EFL1: variants seen among roughly 807,000 people sequenced by gnomAD.
The protein encoded by EFL1 is elongation factor-like GTPase 1.
EFL1 carries 76 observed loss-of-function variants against 126.7 expected under a neutral mutation model. That is an observed-to-expected ratio of 0.60 (90% CI 0.50 to 0.73). The LOEUF (loss-of-function observed/expected upper bound fraction) is 0.73. EFL1 is among the 30% of genes least tolerant of loss of function. The pLI, the probability that EFL1 is intolerant of heterozygous loss-of-function variation, is 0.00. For missense variants in EFL1, 1,128 were observed against 1,343.2 expected (o/e 0.84, Z 2.50); for synonymous variants, 410 against 448.4 (o/e 0.91, Z 1.08).
intron 18 of EFL1, among the ~76,000 whole-genome samples, chr15:82,144,083 T>C (rs1595938816): frequency 6.6e-6 from 1 of 152,094 alleles, no homozygotes; most frequent in African/African-American, 2.4e-5. Flanking sequence ...GGCAACATGG[T>C]GAGACTCCGT....
intron 18 of EFL1, among the ~76,000 whole-genome samples, chr15:82,150,050 C>T (rs1039425628): frequency 3.9e-5 from 6 of 152,148 alleles, no homozygotes; most frequent in Non-Finnish European, 1.5e-5. Flanking sequence ...GTTTCCCAAA[C>T]AAATCTACAA....
Position 82,228,331 on chromosome 15 carries a change from T to C in EFL1, c.933-4A>G, listed in dbSNP as rs370379199. On this transcript the variant is annotated splice_polypyrimidine_tract_variant and splice_region_variant and intron_variant, in intron 9 of 19. Coordinates refer to ENST00000268206, the MANE Select transcript of EFL1 (RefSeq NM_024580.6). ...TTTATCAATTTTGTCTTTGTCCCTG[T>C]GGTAAACACAAGATTGGAGAGGGGA... The C allele has an allele frequency of 1.2e-6, 2 of 1,612,750 alleles. No individual in the cohort carries two copies. The highest frequency in any genetic ancestry group is 1.1e-5 in the South Asian group (1 of 90,774).
intron 11 of EFL1, among the ~76,000 whole-genome samples, chr15:82,226,572 G>C (rs1397265671): frequency 1.3e-5 from 2 of 152,118 alleles, no homozygotes; most frequent in Non-Finnish European, 2.9e-5. Flanking sequence ...AGCAGGCTTG[G>C]GGATAAGATA....
Position 82,228,203 on chromosome 15 carries a change from G to A in EFL1, c.1057C>T (p.His353Tyr). Residue 353 changes from histidine (H) to tyrosine (Y), a missense_variant, in exon 10 of 20, where the codon CAT becomes TAT. Coordinates refer to ENST00000268206, the MANE Select transcript of EFL1 (RefSeq NM_024580.6). The part of the protein sequence containing the change: ...AICSQWLPIS[H>Y]AVLAMVCQKL... The stretch of plus-strand genomic sequence containing the variant: ...GAATAAAGGATACCAAGAACAGCAT[G>A]GGATATGGGTAGCCACTGACTGCAA... 1 of 1,611,384 alleles carries A rather than the reference G, an allele frequency of 6.2e-7. No individual in the cohort carries two copies. The highest frequency in any genetic ancestry group is 1.7e-5 in the Admixed American group (1 of 59,272).
intron 4 of EFL1, among the ~76,000 whole-genome samples, chr15:82,250,987 G>T (rs1180186940): frequency 6.6e-6 from 1 of 152,050 alleles, no homozygotes; most frequent in African/African-American, 2.4e-5. Flanking sequence ...CGAGGCGGGC[G>T]GATCACCTGC....
At chr15:82,160,122 T>G (rs1203855732) in intron 16 of EFL1, 6 of 152,252 alleles carry the variant, frequency 3.9e-5, no homozygotes, top group African/African-American at 1.4e-4. Context: ...AAGGATGATG[T>G]GTGATTCCCA....
At chr15:82,229,429 G>A (rs8025964) in intron 8 of EFL1, among the ~76,000 whole-genome samples, 67,928 of 151,780 alleles carry the variant, frequency 0.45, 15,538 homozygotes, top group South Asian at 0.5. Flanking sequence ...CTGCACATGC[G>A]GGCTCTTTCC....
At chr15:82,152,651 G>T (rs1016508263) in intron 17 of EFL1, among the ~76,000 whole-genome samples, 1 of 151,058 alleles carries the variant, frequency 6.6e-6, no homozygotes, top group African/African-American at 2.4e-5. Context: ...ATCCTTGCAT[G>T]TACTGGAATT....
rs2074028191 is a variant in EFL1, at chr15:82,161,972, C to T, written c.1882+1881G>A. Among the ~76,000 whole-genome samples, 4 of 152,146 alleles carry T rather than the reference C, an allele frequency of 2.6e-5. No homozygotes were observed. In the South Asian group the frequency reaches 8.3e-4, roughly 32 times the overall value. On this transcript the variant is annotated intron_variant, in intron 16 of 19. Coordinates refer to ENST00000268206, the MANE Select transcript of EFL1 (RefSeq NM_024580.6). ...AGAGCCTTTTAAAAATTATAAATTT[C>T]TATTATTAAAATATCACATCTTAGG... is the stretch of plus-strand genomic sequence containing the variant.
At chr15:82,262,044 C>A (rs543650244) in intron 1 of EFL1, 41 of 366,406 alleles carry the variant, frequency 1.1e-4, no homozygotes, top group Non-Finnish European at 1.6e-4. Flanking sequence ...CGATGAATCA[C>A]GCAGCTCGAG....
chr15:82,183,197 T>A (rs1261987616), intron 15 of EFL1, among the ~76,000 whole-genome samples: 2 of 152,232 alleles, frequency 1.3e-5, no homozygotes, highest in Non-Finnish European at 2.9e-5. Context: ...GTCTCAAATG[T>A]AGGGAGAAAG....
intron 3 of EFL1, among the ~76,000 whole-genome samples, chr15:82,255,820 A>G (rs1467539614): frequency 2.0e-5 from 3 of 152,164 alleles, no homozygotes; most frequent in African/African-American, 7.2e-5. Context: ...ATTCCAGGCC[A>G]CAGGTTACAA....
At chr15:82,131,914 A>T (rs2073651447) in intron 19 of EFL1, among the ~76,000 whole-genome samples, 1 of 151,298 alleles carries the variant, frequency 6.6e-6, no homozygotes, top group South Asian at 2.1e-4. Flanking sequence ...GATGGAGATT[A>T]AAAAAAAAGT....
chr15:82,137,236 T>C (rs900407712), intron 19 of EFL1, among the ~76,000 whole-genome samples: 8 of 152,204 alleles, frequency 5.3e-5, no homozygotes, highest in Non-Finnish European at 1.2e-4. Context: ...TTATTCTCAT[T>C]TTCCATTCTC....
intron 9 of EFL1, among the ~76,000 whole-genome samples, 188 bp downstream of exon 9, chr15:82,228,846 C>T (rs1227151971): frequency 6.6e-6 from 1 of 152,216 alleles, no homozygotes; most frequent in Non-Finnish European, 1.5e-5. Flanking sequence ...GTCCCTCCAA[C>T]ATCACCCTTT....
In EFL1 at chr15:82,141,236, A is replaced by C. The variant is rs1432082020; in HGVS notation, c.2990-2394T>G. On this transcript the variant is annotated intron_variant, in intron 18 of 19. Coordinates refer to ENST00000268206, the MANE Select transcript of EFL1 (RefSeq NM_024580.6). ...AAGTATAGTCTGAAAAGGTCCCAAAACAGCAGAATGATTATTATTTTCATT... is the reference window on the plus strand; with the variant it reads ...AAGTATAGTCTGAAAAGGTCCCAAACCAGCAGAATGATTATTATTTTCATT... Among the ~76,000 whole-genome samples the C allele has an allele frequency of 2.0e-5, 3 of 152,328 alleles. No homozygotes were observed. In the East Asian group the frequency reaches 5.8e-4, roughly 29 times the overall value.
intron 4 of EFL1, among the ~76,000 whole-genome samples, chr15:82,250,892 C>G (rs2075014582): frequency 6.6e-6 from 1 of 152,148 alleles, no homozygotes; most frequent in Non-Finnish European, 1.5e-5. Context: ...CCCAAGCTAG[C>G]TTAAGTCTCT....
chr15:82,154,691 T>C (rs940108904), intron 17 of EFL1, among the ~76,000 whole-genome samples: 4 of 152,170 alleles, frequency 2.6e-5, no homozygotes, highest in Non-Finnish European at 4.4e-5. Context: ...TTTATTGTAA[T>C]AGCCTCCATT....
intron 15 of EFL1, among the ~76,000 whole-genome samples, chr15:82,168,903 CTT>C (rs1378700847): frequency 1.3e-5 from 2 of 151,786 alleles, no homozygotes; most frequent in Non-Finnish European, 3.0e-5. Flanking sequence ...AATGAAAACT[CTT>C]TTTTCCTGGA....
Sources: allele counts gnomAD v4.1 joint callset (sites outside exome capture counted in the v4.1 genomes callset), GRCh38; gene constraint gnomAD v4.1.1; transcripts MANE v1.5; gene names NCBI Gene and HGNC (gene_info 2026-07-23, HGNC 2026-07-21).